RAPGEF6: variants seen among roughly 807,000 people sequenced by gnomAD.
RAPGEF6 encodes the protein PDZ domain containing guanine nucleotide exchange factor (GEF) 2.
Under a neutral mutation model 171.4 loss-of-function variants are expected in RAPGEF6, and 56 were observed. The observed-to-expected ratio is 0.33, with a 90% CI of 0.26 to 0.41. The LOEUF (loss-of-function observed/expected upper bound fraction) is 0.41, where lower values mean the gene tolerates loss of function less well. Among genes scored for constraint, RAPGEF6 ranks in the 10% least tolerant of loss-of-function variants. RAPGEF6 has a pLI of 1.00. For synonymous variants in RAPGEF6, 692 were observed against 650.1 expected (o/e 1.06, Z -0.98); for missense variants, 1,674 against 1,921.4 (o/e 0.87, Z 2.41).
chr5:131,446,977 T>C (rs1752761422), intron 21 of RAPGEF6: 2 of 345,142 alleles, frequency 5.8e-6, no homozygotes, highest in Non-Finnish European at 1.1e-5. Flanking sequence ...CTATGCAACC[T>C]ATGGCACAAC....
chr5:131,611,647 G>A (rs1460042637), intron 1 of RAPGEF6, among the ~76,000 whole-genome samples: 2 of 152,176 alleles, frequency 1.3e-5, no homozygotes, highest in Non-Finnish European at 2.9e-5. Flanking sequence ...ACTCCAATCT[G>A]CGTGACAGAG....
Position 131,424,668 on chromosome 5 carries a change from T to C in RAPGEF6, c.*2598A>G, listed in dbSNP as rs879578343. On this transcript the variant is annotated 3_prime_UTR_variant, in exon 28 of 28. Transcript: ENST00000509018. ...GGCTTTTTCTCCCCAAAGATCATAT[T>C]GAAAGTAATCATTTGGAGTAAATTA... 1 of 152,332 alleles carries C rather than the reference T, an allele frequency of 6.6e-6. No homozygotes were observed. Among genetic ancestry groups the C allele is most frequent in the Non-Finnish European group, 1.5e-5 (1 of 68,020 alleles). 9.4% of individuals were successfully genotyped at this position (152,332 alleles called of 1,614,324 possible).
chr5:131,513,332 T>C (rs1211122269), intron 7 of RAPGEF6, among the ~76,000 whole-genome samples: 6 of 152,198 alleles, frequency 3.9e-5, no homozygotes, highest in African/African-American at 1.4e-4. Flanking sequence ...TCACTCCTAG[T>C]ATATCCCTTT....
At chr5:131,624,729 G>A (rs912407947) in intron 1 of RAPGEF6, among the ~76,000 whole-genome samples, 11 of 152,318 alleles carry the variant, frequency 7.2e-5, no homozygotes, top group Non-Finnish European at 1.5e-4. Flanking sequence ...TTTCCTTTGG[G>A]AGACTGAGAA....
Position 131,489,644 on chromosome 5 carries a change from A to G in RAPGEF6, c.1742T>C (p.Val581Ala). 1 of 1,540,556 alleles carries G rather than the reference A, an allele frequency of 6.5e-7. No homozygotes were observed. Among genetic ancestry groups the G allele is most frequent in the South Asian group, 1.2e-5 (1 of 85,994 alleles). Residue 581 changes from valine to alanine, a missense_variant, in exon 15 of 28, where the codon GTA becomes GCA. This residue lies in a region of RAPGEF6 where 1,116 missense variants were observed against 1,321.5 expected (regional missense o/e 0.84). Coordinates refer to ENST00000509018, the MANE Select transcript of RAPGEF6 (RefSeq NM_016340.6). ...AATATTCTCAAAGTTTTGTCCATTTACTTCCATAATCTTAAAAGTATTTAA... is the reference window on the plus strand; with the variant it reads ...AATATTCTCAAAGTTTTGTCCATTTGCTTCCATAATCTTAAAAGTATTTAA... The part of the protein sequence containing the change: ...GLKRGDQIME[V>A]NGQNFENITF...
intron 21 of RAPGEF6, 148 bp from the exon 22 acceptor site, chr5:131,446,851 T>G: frequency 1.4e-6 from 1 of 726,390 alleles, no homozygotes; most frequent in Non-Finnish European, 2.2e-6. Flanking sequence ...CAAAGTAATT[T>G]GGCACATATG....
At position 131,429,003 on chromosome 5, in the gene RAPGEF6, G is replaced by C. The variant is rs138602956; in HGVS notation, c.4679C>G (p.Ala1560Gly). The C allele has an allele frequency of 6.2e-6, 10 of 1,614,152 alleles. No individual in the cohort carries two copies. The highest frequency in any genetic ancestry group is 2.7e-5 in the African/African-American group (2 of 75,018). ...AGTTACAATCTTCGATGGAACACAG[G>C]CCACGAGGTTGCTACTGAGAGAAGC... ...PPASLSSNLVACVPSKIVTQP... is the reference protein window; with the variant it reads ...PPASLSSNLVGCVPSKIVTQP... Residue 1560 changes from alanine to glycine, a missense_variant, in exon 27 of 28, where the codon GCC becomes GGC. Transcript: ENST00000509018.
At chr5:131,432,462 C>T (rs1751766785) in intron 25 of RAPGEF6, among the ~76,000 whole-genome samples, 1 of 151,806 alleles carries the variant, frequency 6.6e-6, no homozygotes, top group Non-Finnish European at 1.5e-5. Flanking sequence ...ACTAAAAATA[C>T]AAAAAATTAG....
intron 1 of RAPGEF6, among the ~76,000 whole-genome samples, chr5:131,634,397 T>C (rs3775999): frequency 0.79 from 120,024 of 152,120 alleles, 47,755 homozygotes; most frequent in African/African-American, 0.86. Context: ...TGGATCCAAG[T>C]ACAAAATACT....
Position 131,442,465 on chromosome 5 carries a change from C to T in RAPGEF6, c.3494G>A (p.Gly1165Asp). 1.9e-6 allele frequency: 3 copies of T among 1,614,144 alleles called. No individual in the cohort carries two copies. Among genetic ancestry groups the T allele is most frequent in the Non-Finnish European group, 2.5e-6 (3 of 1,180,018 alleles). The change falls in exon 23 of 28, where the codon GGC (glycine) becomes GAC (aspartate). Residue 1165 changes from glycine (G) to aspartate (D), a missense_variant. Gly to Asp is a moderately conservative substitution (Grantham distance 94). This residue lies in a region of RAPGEF6 where 552 missense variants were observed against 574.2 expected (regional missense o/e 0.96). Transcript: ENST00000509018. The part of the protein sequence containing the change: ...EMSPVPMRSA[G>D]QTTKAHLHQP... ...ATGCAAGTGGGCTTTAGTTGTTTGGCCAGCTGACCTCATAGGCACTGGAGA... is the reference window on the plus strand; with the variant it reads ...ATGCAAGTGGGCTTTAGTTGTTTGGTCAGCTGACCTCATAGGCACTGGAGA...
chr5:131,622,971 C>G (rs1352072012), intron 1 of RAPGEF6, among the ~76,000 whole-genome samples: 3 of 152,154 alleles, frequency 2.0e-5, no homozygotes, highest in African/African-American at 7.2e-5. Flanking sequence ...AATTCTGTAA[C>G]AGATTAATAA....
intron 7 of RAPGEF6, among the ~76,000 whole-genome samples, chr5:131,515,047 C>G (rs573145204): frequency 3.3e-5 from 5 of 152,080 alleles, no homozygotes; most frequent in Non-Finnish European, 7.4e-5. Context: ...TCTGATGACT[C>G]GGCCTTCCCC....
chr5:131,492,484 TC>T, intron 14 of RAPGEF6, 97 bp downstream of exon 14: 1 of 1,224,690 alleles, frequency 8.2e-7, no homozygotes, highest in Non-Finnish European at 1.2e-6. Context: ...GAAAAATATT[TC>T]CTTAAACTGA....
intron 17 of RAPGEF6, among the ~76,000 whole-genome samples, chr5:131,471,044 T>G (rs1298825042): frequency 6.6e-6 from 1 of 152,238 alleles, no homozygotes; most frequent in East Asian, 1.9e-4. Context: ...CTCTGTGATA[T>G]CTTAGTGCTT....
intron 4 of RAPGEF6, among the ~76,000 whole-genome samples, chr5:131,562,543 T>A (rs1041975804): frequency 2.0e-5 from 3 of 152,310 alleles, no homozygotes; most frequent in Middle Eastern, 3.4e-3. Flanking sequence ...TGGGATTGGT[T>A]CCAGAATCCC....
intron 16 of RAPGEF6, among the ~76,000 whole-genome samples, chr5:131,477,861 C>G (rs1191449965): frequency 1.3e-5 from 2 of 152,124 alleles, no homozygotes. Context: ...AGGAATTCTC[C>G]TCATGCATTC....
chr5:131,523,477 A>G (rs1289982399), intron 6 of RAPGEF6, among the ~76,000 whole-genome samples: 1 of 151,972 alleles, frequency 6.6e-6, no homozygotes, highest in Non-Finnish European at 1.5e-5. Flanking sequence ...ATCTAGAACT[A>G]AAATATACAA....
intron 19 of RAPGEF6, among the ~76,000 whole-genome samples, chr5:131,457,319 C>T (rs1753583981): frequency 6.6e-6 from 1 of 152,198 alleles, no homozygotes; most frequent in South Asian, 2.1e-4. Flanking sequence ...AATCTGCCTG[C>T]CTTGGCTTCC....
At chr5:131,468,583 T>TA (rs895820831) in intron 17 of RAPGEF6, among the ~76,000 whole-genome samples, 12 of 126,460 alleles carry the variant, frequency 9.5e-5, no homozygotes, top group Admixed American at 1.6e-4. Context: ...AGATGATCTT[T>TA]AAAAAAAAAG....
Sources: allele counts gnomAD v4.1 joint callset (sites outside exome capture counted in the v4.1 genomes callset), GRCh38; gene constraint gnomAD v4.1.1; regional missense constraint gnomAD v4.1.1; transcripts MANE v1.5; gene names NCBI Gene and HGNC (gene_info 2026-07-23, HGNC 2026-07-21).